FAM107A: variants seen among roughly 807,000 people sequenced by gnomAD.
FAM107A encodes family with sequence similarity 107 member A, also known as actin-associated protein FAM107A.
Under a neutral mutation model 13.7 loss-of-function variants are expected in FAM107A, and 19 were observed. The observed-to-expected ratio is 1.38, with a 90% CI of 0.97 to 2.03. The LOEUF is 2.03. FAM107A is among the 30% of genes most tolerant of loss of function. The probability of loss-of-function intolerance (pLI) is 0.00; values close to 1 mark genes in which losing one functional copy is unlikely to be tolerated. For missense variants in FAM107A, 203 were observed against 184.4 expected (o/e 1.10, Z -0.58); for synonymous variants, 82 against 74.5 (o/e 1.10, Z -0.52).
chr3:58,587,205 T>A (rs2065617377), upstream of FAM107A: 6 of 936,138 alleles, frequency 6.4e-6, no homozygotes, highest in Non-Finnish European at 8.6e-6. Context: ...AGCCCCGAGG[T>A]TCCAGGGCCA....
intron 1 of FAM107A, among the ~76,000 whole-genome samples, chr3:58,614,733 G>A (rs1351311905): frequency 6.6e-6 from 1 of 152,130 alleles, no homozygotes; most frequent in Non-Finnish European, 1.5e-5. Context: ...TTGAACTCCT[G>A]ACGTCAAGTG....
intron 1 of FAM107A, among the ~76,000 whole-genome samples, chr3:58,603,439 G>A (rs1403625011): frequency 1.3e-5 from 2 of 152,142 alleles, no homozygotes; most frequent in East Asian, 1.9e-4. Context: ...GGGACTTGCT[G>A]CAAGTGACTT....
intron 1 of FAM107A, among the ~76,000 whole-genome samples, chr3:58,619,491 G>T (rs371444276): frequency 2.9e-4 from 44 of 152,182 alleles, no homozygotes; most frequent in Non-Finnish European, 3.5e-4. Flanking sequence ...GGGACATGCC[G>T]CAGCCTCTCA....
Position 58,604,882 on chromosome 3 carries a change from G to A in FAM107A, c.-69-15613C>T, listed in dbSNP as rs1280206658. ...ATTTTGATTGTATACTGGAGGTTGTGTGTGTGTGATGTGTTGTGGAGACTC... is the reference window on the plus strand; with the variant it reads ...ATTTTGATTGTATACTGGAGGTTGTATGTGTGTGATGTGTTGTGGAGACTC... On this transcript the variant is annotated intron_variant, in intron 1 of 3. Transcript: ENST00000465970. The surrounding 1 kb of genome is among the most constrained non-coding windows in gnomAD (Gnocchi z 4.1). Among the ~76,000 whole-genome samples the A allele has an allele frequency of 6.6e-6, 1 of 152,192 alleles. No individual in the cohort carries two copies. Among genetic ancestry groups the A allele is most frequent in the Non-Finnish European group, 1.5e-5 (1 of 68,026 alleles).
At position 58,565,323 on chromosome 3, in the gene FAM107A, A is replaced by G. The variant is rs1447684172; in HGVS notation, c.*1265T>C. 6.6e-6 allele frequency: 1 copy of G among 151,924 alleles called. No homozygotes were observed. Among genetic ancestry groups the G allele is most frequent in the Non-Finnish European group, 1.5e-5 (1 of 67,966 alleles). 9.4% of individuals were successfully genotyped at this position (151,924 alleles called of 1,614,324 possible). A position where few individuals can be genotyped will look rare whatever the true frequency, so the allele number is the denominator to read the frequency against. ...CCGGGGATTCAGACTCAAAGGGGCC[A>G]GTCCATAAAGGTGGCAGTGGGGTCT... On this transcript the variant is annotated 3_prime_UTR_variant, in exon 4 of 4. Coordinates refer to ENST00000360997, the MANE Select transcript of FAM107A (RefSeq NM_001076778.3).
rs533961889 is a variant in FAM107A at position 58,586,458 on chromosome 3, G to T, written c.79+400C>A. On this transcript the variant is annotated intron_variant, in intron 1 of 3. Transcript: ENST00000447756. ...AAAAAAAGTAATTAAAAAGAATGAC[G>T]TGAGGATTGTTTGAGCCCAGGAGTT... Among the ~76,000 whole-genome samples, 6 of 152,322 alleles carry T rather than the reference G, an allele frequency of 3.9e-5. No homozygotes were observed. The South Asian group carries it at 1.2e-3, about 32-fold the overall frequency.
At chr3:58,603,145 G>A (rs1300336038) in intron 1 of FAM107A, among the ~76,000 whole-genome samples, 1 of 152,188 alleles carries the variant, frequency 6.6e-6, no homozygotes, top group African/African-American at 2.4e-5. Flanking sequence ...AAAGGAAGTT[G>A]ATAACTCTGC....
At position 58,604,999 on chromosome 3, in the gene FAM107A, G is replaced by A. The variant is rs967507968; in HGVS notation, c.-69-15730C>T. Among the ~76,000 whole-genome samples the A allele has an allele frequency of 3.3e-5, 5 of 152,198 alleles. No homozygotes were observed. Among genetic ancestry groups the A allele is most frequent in the Middle Eastern group, 3.2e-3 (1 of 316 alleles). ...GATCCCTTTGAAGTTCCATGGGCTT[G>A]TTTTTGCACTCCTGCAAAGTCCAGG... On this transcript the variant is annotated intron_variant, in intron 1 of 3. Coordinates refer to the FAM107A transcript ENST00000465970. The surrounding 1 kb of genome is among the most constrained non-coding windows in gnomAD (Gnocchi z 4.1).
intron 1 of FAM107A, among the ~76,000 whole-genome samples, chr3:58,600,257 G>T (rs1011895994): frequency 6.6e-6 from 1 of 152,102 alleles, no homozygotes; most frequent in Non-Finnish European, 1.5e-5. Flanking sequence ...ACCTTTCAGG[G>T]TAGGTACTGT....
At chr3:58,592,542 T>C (rs2065662277) in intron 1 of FAM107A, among the ~76,000 whole-genome samples, 1 of 152,206 alleles carries the variant, frequency 6.6e-6, no homozygotes, top group Non-Finnish European at 1.5e-5. Context: ...CTCTCAGACA[T>C]AATTCCTCGG....
chr3:58,592,890 G>A (rs1332649620), intron 1 of FAM107A, among the ~76,000 whole-genome samples: 1 of 152,118 alleles, frequency 6.6e-6, no homozygotes, highest in Non-Finnish European at 1.5e-5. Flanking sequence ...AGCCTTCTAG[G>A]CAACTATCTT....
At chr3:58,600,639 G>A (rs991654638) in intron 1 of FAM107A, among the ~76,000 whole-genome samples, 2 of 152,208 alleles carry the variant, frequency 1.3e-5, no homozygotes, top group Admixed American at 6.5e-5. Context: ...CTGAGAACAT[G>A]GTAGCCACTA....
In FAM107A at chr3:58,599,696, A is replaced by ATTTTTTTTTTTTTTTTTTTTTTT. The variant is rs57244654; in HGVS notation, c.-69-10450_-69-10428dup. Among the ~76,000 whole-genome samples the ATTTTTTTTTTTTTTTTTTTTTTT allele has an allele frequency of 5.1e-5, 4 of 78,568 alleles. 1 individual carries two copies. Among genetic ancestry groups the ATTTTTTTTTTTTTTTTTTTTTTT allele is most frequent in the Non-Finnish European group, 5.3e-5 (2 of 37,406 alleles). The allele number at this position is 78,568 out of a possible 152,430, so 51.5% of individuals were successfully genotyped here. On this transcript the variant is annotated intron_variant, in intron 1 of 3. Transcript: ENST00000465970. Reference sequence around the variant, plus strand: ...GTGGTATACTTAAAACAAGTGCACCATTTTTTTTTTTTTTTTTTTTTTTTT... The same window carrying ATTTTTTTTTTTTTTTTTTTTTTT: ...GTGGTATACTTAAAACAAGTGCACCATTTTTTTTTTTTTTTTTTTTTTTTTTTTTTTTTTTTTTTTTTTTTTTT...
exon 1 of FAM107A, chr3:58,587,014 CGCCTCCGCGACGGTGACGCG>C: frequency 7.1e-7 from 1 of 1,399,886 alleles, no homozygotes; most frequent in Non-Finnish European, 9.3e-7. Flanking sequence ...GGAGCCGAAG[CGCCTCCGCGACGGTGACGCG>C]GCCCCAAGTC....
intron 1 of FAM107A, among the ~76,000 whole-genome samples, chr3:58,612,465 A>G (rs1021694647): frequency 4.6e-5 from 7 of 151,962 alleles, no homozygotes; most frequent in African/African-American, 1.7e-4. Context: ...CTATAGTATT[A>G]GCTACTTGGG....
chr3:58,568,156 C>G (rs1051227898), intron 2 of FAM107A, among the ~76,000 whole-genome samples: 9 of 151,902 alleles, frequency 5.9e-5, no homozygotes, highest in Non-Finnish European at 1.2e-4. Context: ...AGATCTGGGC[C>G]AGGCACAGTG....
intron 1 of FAM107A, among the ~76,000 whole-genome samples, chr3:58,597,468 C>T (rs1428168457): frequency 6.6e-6 from 1 of 152,174 alleles, no homozygotes; most frequent in Non-Finnish European, 1.5e-5. Context: ...TCCTTAAAAT[C>T]TGGAGTGAAT....
At chr3:58,614,950 T>G (rs2065887872) in intron 1 of FAM107A, among the ~76,000 whole-genome samples, 1 of 152,154 alleles carries the variant, frequency 6.6e-6, no homozygotes, top group South Asian at 2.1e-4. Context: ...GGATTACAGG[T>G]GCACACTACC....
upstream of FAM107A, among the ~76,000 whole-genome samples, chr3:58,588,362 C>G (rs1353263805): frequency 1.3e-5 from 2 of 152,242 alleles, no homozygotes; most frequent in African/African-American, 4.8e-5. Flanking sequence ...GTTGGCCAAA[C>G]TCTCTTTGGT....
Sources: gnomAD v4.1 joint callset for allele counts (sites outside exome capture counted in the v4.1 genomes callset) on GRCh38, gnomAD v4.1.1 for gene constraint, Gnocchi (gnomAD v3.1) non-coding constraint, MANE v1.5 for transcripts, NCBI Gene and HGNC (gene_info 2026-07-23, HGNC 2026-07-21) for gene names.